ALK: variants seen among roughly 807,000 people sequenced by gnomAD.
ALK encodes ALK tyrosine kinase receptor.
Under a neutral mutation model 163.1 loss-of-function variants are expected in ALK, and 74 were observed. The ratio of observed to expected loss-of-function variants is 0.45; its 90% CI spans 0.38 to 0.55. The LOEUF (loss-of-function observed/expected upper bound fraction) is 0.55. Ranked by LOEUF, ALK falls within the 20% of genes least tolerant of loss-of-function variation. The pLI is 0.00. For synonymous variants in ALK, 960 were observed against 843.2 expected (o/e 1.14, Z -2.40); for missense variants, 2,063 against 2,105.3 (o/e 0.98, Z 0.39).
intron 5 of ALK, among the ~76,000 whole-genome samples, chr2:29,379,541 A>C (rs1668843593): frequency 6.6e-6 from 1 of 152,218 alleles, no homozygotes; most frequent in Non-Finnish European, 1.5e-5. Context: ...TACTAAATTT[A>C]GATGTAGAGT....
chr2:29,697,033 A>C lies in ALK; in HGVS notation c.788-2019T>G, dbSNP rs574692912. 7.9e-5 allele frequency among the ~76,000 whole-genome samples: 12 copies of C among 152,104 alleles called. No individual in the cohort carries two copies. The East Asian group carries it at 1.3e-3, about 17-fold the overall frequency. ...ACACATATATCTATGTAACAAATCC[A>C]TATGTTCTGCGCTTGTATCCCAGAA... On this transcript the variant is annotated intron_variant, in intron 2 of 28. Coordinates refer to ENST00000389048, the MANE Select transcript of ALK (RefSeq NM_004304.5).
At chr2:29,429,346 G>A (rs74835326) in intron 4 of ALK, among the ~76,000 whole-genome samples, 13,821 of 152,002 alleles carry the variant, frequency 0.091, 849 homozygotes, top group Non-Finnish European at 0.14. Context: ...ATAACCTTGT[G>A]TATAGAAAAT....
intron 3 of ALK, among the ~76,000 whole-genome samples, chr2:29,558,232 C>T (rs1673918491): frequency 6.6e-6 from 1 of 152,180 alleles, no homozygotes; most frequent in Non-Finnish European, 1.5e-5. Context: ...CTCACAGAGA[C>T]AGAAAACTTT....
intron 1 of ALK, among the ~76,000 whole-genome samples, chr2:29,905,749 C>G (rs1432774737): frequency 6.6e-6 from 1 of 152,096 alleles, no homozygotes; most frequent in Non-Finnish European, 1.5e-5. Flanking sequence ...CTGCATTTGT[C>G]AAGCAGATGT....
At chr2:29,730,235 G>A (rs914075843) in intron 1 of ALK, among the ~76,000 whole-genome samples, 2 of 152,218 alleles carry the variant, frequency 1.3e-5, no homozygotes, top group Admixed American at 1.3e-4. Flanking sequence ...GATAGACCAG[G>A]AGGAGGCAGA....
chr2:29,452,229 T>C (rs558906098), intron 4 of ALK, among the ~76,000 whole-genome samples: 1 of 152,302 alleles, frequency 6.6e-6, no homozygotes, highest in South Asian at 2.1e-4. Flanking sequence ...CCTGGCTGAT[T>C]TCCTTTTCTC....
chr2:29,315,366 G>A (rs538328580), intron 8 of ALK, among the ~76,000 whole-genome samples: 1 of 152,162 alleles, frequency 6.6e-6, no homozygotes, highest in Admixed American at 6.5e-5. Context: ...CTCCTGACCT[G>A]GTTTCATATG....
intron 3 of ALK, among the ~76,000 whole-genome samples, chr2:29,639,172 C>A (rs1042585700): frequency 6.6e-6 from 1 of 152,110 alleles, no homozygotes; most frequent in Non-Finnish European, 1.5e-5. Flanking sequence ...TCATATTTAG[C>A]CACTCCCCAG....
chr2:29,755,078 T>TC (rs1373668743), intron 1 of ALK, among the ~76,000 whole-genome samples: 2 of 76,782 alleles, frequency 2.6e-5, no homozygotes, highest in Non-Finnish European at 4.4e-5. Context: ...GCAGCTTCTC[T>TC]AAGGGTACCA....
At chr2:29,462,586 T>A (rs958902139) in intron 4 of ALK, among the ~76,000 whole-genome samples, 2 of 152,208 alleles carry the variant, frequency 1.3e-5, no homozygotes, top group African/African-American at 4.8e-5. Context: ...TATGTACATT[T>A]TTTAGACATA....
intron 4 of ALK, among the ~76,000 whole-genome samples, chr2:29,410,832 C>A (rs1669708485): frequency 1.3e-5 from 2 of 152,182 alleles, no homozygotes; most frequent in Admixed American, 1.3e-4. Flanking sequence ...TAGGACATCA[C>A]TGTACACTCC....
chr2:29,383,826 T>C lies in ALK; in HGVS notation c.1188A>G (p.Pro396=), dbSNP rs1412095749. 6.2e-7 allele frequency: 1 copy of C among 1,614,068 alleles called. No individual in the cohort carries two copies. Among genetic ancestry groups the C allele is most frequent in the Non-Finnish European group, 8.5e-7 (1 of 1,180,010 alleles). The change falls in exon 5 of 29, where the codon CCA becomes CCG. Residue 396 remains proline, a synonymous_variant. Coordinates refer to ENST00000389048, the MANE Select transcript of ALK (RefSeq NM_004304.5). ...CCAGGGCCACTCGAAATGGGTTGTCTGGACGCCCGATTCTTCCCTGGAGCA... is the reference window on the plus strand; with the variant it reads ...CCAGGGCCACTCGAAATGGGTTGTCCGGACGCCCGATTCTTCCCTGGAGCA... ...WTVLQGRIGR[P]DNPFRVALEY... is the part of the protein sequence containing the mutation.
intron 9 of ALK, among the ~76,000 whole-genome samples, chr2:29,282,300 T>C (rs1259447059): frequency 6.6e-6 from 1 of 152,186 alleles, no homozygotes; most frequent in Non-Finnish European, 1.5e-5. Context: ...TGGGTCGCAG[T>C]AGGCATATCT....
At chr2:29,382,909 G>A (rs1173864161) in intron 5 of ALK, among the ~76,000 whole-genome samples, 1 of 152,198 alleles carries the variant, frequency 6.6e-6, no homozygotes, top group Non-Finnish European at 1.5e-5. Flanking sequence ...AAGAGCCACA[G>A]GGGCAAAAGA....
intron 3 of ALK, among the ~76,000 whole-genome samples, chr2:29,563,516 G>A (rs1261263920): frequency 5.3e-5 from 8 of 152,190 alleles, no homozygotes; most frequent in Non-Finnish European, 1.2e-4. Context: ...GCCAAATTCT[G>A]TAGACAGACA....
At chr2:29,837,872 ACAAAT>A (rs1056778022) in intron 1 of ALK, among the ~76,000 whole-genome samples, 1 of 152,334 alleles carries the variant, frequency 6.6e-6, no homozygotes, top group African/African-American at 2.4e-5. Context: ...GTCAATAGAA[ACAAAT>A]CAGAACTGAT....
chr2:29,493,183 C>T (rs1392475943), intron 4 of ALK, among the ~76,000 whole-genome samples: 1 of 152,176 alleles, frequency 6.6e-6, no homozygotes, highest in Admixed American at 6.5e-5. Flanking sequence ...GTCCTCTGCC[C>T]TGTCCTGTCT....
intron 19 of ALK, chr2:29,223,906 A>G (rs2148172218): frequency 2.6e-6 from 1 of 382,418 alleles, no homozygotes; most frequent in Non-Finnish European, 4.8e-6. Context: ...GGCTGGGTGA[A>G]CCAGCAGACT....
chr2:29,359,846 C>T (rs767907172), intron 5 of ALK, among the ~76,000 whole-genome samples: 11 of 152,190 alleles, frequency 7.2e-5, no homozygotes, highest in Non-Finnish European at 1.3e-4. Flanking sequence ...TTAAGCAGCA[C>T]GGCCCTTTGG....
Sources: allele counts gnomAD v4.1 joint callset (sites outside exome capture counted in the v4.1 genomes callset), GRCh38; gene constraint gnomAD v4.1.1; transcripts MANE v1.5; gene names NCBI Gene and HGNC (gene_info 2026-07-23, HGNC 2026-07-21).